ZNF326: variants seen among roughly 807,000 people sequenced by gnomAD.
ZNF326 encodes the protein zinc finger protein 326.
Under a neutral mutation model 63.1 loss-of-function variants are expected in ZNF326, and 30 were observed. The ratio of observed to expected loss-of-function variants is 0.48; its 90% CI spans 0.36 to 0.64. The LOEUF is 0.64. Among genes scored for constraint, ZNF326 ranks in the 30% least tolerant of loss-of-function variants. The probability of loss-of-function intolerance (pLI) is 0.00; values close to 1 mark genes in which losing one functional copy is unlikely to be tolerated. For synonymous variants in ZNF326, 194 were observed against 228.2 expected (o/e 0.85, Z 1.35); for missense variants, 609 against 720.3 (o/e 0.85, Z 1.77).
At chr1:90,017,259 G>T in intron 7 of ZNF326, 58 bp from the exon 8 acceptor site, 2 of 1,207,700 alleles carry the variant, frequency 1.7e-6, no homozygotes, top group South Asian at 3.1e-5. Context: ...ATATTCTTAT[G>T]AACTCTTTAT....
At chr1:90,011,633 A>G (rs1649238697) in intron 6 of ZNF326, among the ~76,000 whole-genome samples, 1 of 151,938 alleles carries the variant, frequency 6.6e-6, no homozygotes, top group South Asian at 2.1e-4. Flanking sequence ...AAAGGAAAAT[A>G]ACAAATGTTG....
At chr1:89,998,523 A>T (rs1226513940) in intron 2 of ZNF326, among the ~76,000 whole-genome samples, 1 of 152,200 alleles carries the variant, frequency 6.6e-6, no homozygotes, top group African/African-American at 2.4e-5. Context: ...GGTTCTATAT[A>T]GCTTGTATTG....
At chr1:90,003,904 T>G (rs1648822945) in intron 2 of ZNF326, among the ~76,000 whole-genome samples, 1 of 152,154 alleles carries the variant, frequency 6.6e-6, no homozygotes, top group African/African-American at 2.4e-5. Flanking sequence ...ACTAGAGATA[T>G]TATATGATTA....
At chr1:90,005,446 C>A in intron 4 of ZNF326, 1 of 1,305,880 alleles carries the variant, frequency 7.7e-7, no homozygotes. Context: ...AGGAAAACAC[C>A]AGATAACTAT....
At chr1:90,022,547 C>T (rs1255838452) in intron 11 of ZNF326, among the ~76,000 whole-genome samples, 1 of 152,120 alleles carries the variant, frequency 6.6e-6, no homozygotes, top group African/African-American at 2.4e-5. Context: ...TCTCTTATCA[C>T]CTTTGTAGCT....
chr1:90,004,910 C>T, intron 2 of ZNF326, 93 bp from the exon 3 acceptor site: 1 of 924,056 alleles, frequency 1.1e-6, no homozygotes, highest in East Asian at 3.3e-5. Context: ...TAAATTATCT[C>T]AGGTGATAGA....
At position 90,020,865 on chromosome 1, in the gene ZNF326, T is replaced by C. The variant is rs1649735499; in HGVS notation, c.1248T>C (p.Ala416=). The C allele has an allele frequency of 6.2e-7, 1 of 1,613,268 alleles. No individual in the cohort carries two copies. The highest frequency in any genetic ancestry group is 8.5e-7 in the Non-Finnish European group (1 of 1,179,402). Residue 416 remains alanine, a synonymous_variant, in exon 10 of 12, where the codon GCT becomes GCC. Transcript: ENST00000340281. The part of the protein sequence containing the change: ...HCSACSVYIP[A]LHSSVQQHLK... ...GCGCTTGCAGTGTTTATATCCCTGC[T>C]TTACATAGTTCAGTTCAGCAGCACT... is the stretch of plus-strand genomic sequence containing the variant.
chr1:89,996,847 A>G (rs1245898995), intron 1 of ZNF326, among the ~76,000 whole-genome samples: 1 of 152,242 alleles, frequency 6.6e-6, no homozygotes, highest in African/African-American at 2.4e-5. Flanking sequence ...TTCATGCTGT[A>G]GTTTGATGAT....
intron 6 of ZNF326, among the ~76,000 whole-genome samples, chr1:90,012,624 A>T (rs1243541648): frequency 2.0e-5 from 3 of 152,194 alleles, no homozygotes; most frequent in Admixed American, 6.5e-5. Flanking sequence ...AATATTTTTT[A>T]AAAAAGAGAA....
Position 90,004,928 on chromosome 1 carries a change from A to G in ZNF326, c.62-75A>G, listed in dbSNP as rs1648899039. On this transcript the variant is annotated intron_variant, in intron 2 of 11. Transcript: ENST00000340281. ...ATTATCTCAGGTGATAGATAGGAAT[A>G]TCTTGTGTTTTGTGCAAAGATCCCT... 7.1e-6 allele frequency: 9 copies of G among 1,274,564 alleles called. No individual in the cohort carries two copies. In the South Asian group the frequency reaches 1.1e-4, roughly 16 times the overall value. The allele number at this position is 1,274,564 out of a possible 1,614,324, so 79.0% of individuals were successfully genotyped here.
intron 4 of ZNF326, 126 bp downstream of exon 4, chr1:90,005,370 A>G: frequency 7.0e-7 from 1 of 1,433,546 alleles, no homozygotes; most frequent in Non-Finnish European, 9.1e-7. Context: ...TCATCACCTT[A>G]AATATTTAAA....
chr1:90,016,627 G>T (rs1649515433), intron 7 of ZNF326, among the ~76,000 whole-genome samples: 1 of 151,792 alleles, frequency 6.6e-6, no homozygotes, highest in South Asian at 2.1e-4. Flanking sequence ...TGATGTGGGA[G>T]AATTGCTTGA....
rs565255679 is a variant in ZNF326 at position 90,024,677 on chromosome 1, C to T, written c.1401+2332C>T. The stretch of plus-strand genomic sequence containing the variant: ...TTGCCCAGGCCAGAGTTCAGTGGTG[C>T]GATAATAGCTCACTGCAGCCTTGAA... On this transcript the variant is annotated intron_variant, in intron 11 of 11. Coordinates refer to ENST00000340281, the MANE Select transcript of ZNF326 (RefSeq NM_182976.4). Among the ~76,000 whole-genome samples the T allele has an allele frequency of 1.6e-3, 248 of 151,926 alleles. 1 individual carries two copies. Among genetic ancestry groups the T allele is most frequent in the Admixed American group, 2.7e-3 (41 of 15,258 alleles).
chr1:90,015,674 T>A (rs1386609049), intron 7 of ZNF326, among the ~76,000 whole-genome samples: 1 of 152,030 alleles, frequency 6.6e-6, no homozygotes, highest in Admixed American at 6.6e-5. Flanking sequence ...AGAGCAAGAC[T>A]CTGTCTCAAA....
chr1:90,028,635 C>A lies in ZNF326; in HGVS notation c.*934C>A, dbSNP rs1169999974. The A allele has an allele frequency of 6.6e-6, 1 of 152,112 alleles. No individual in the cohort carries two copies. The highest frequency in any genetic ancestry group is 1.5e-5 in the Non-Finnish European group (1 of 68,022). The allele number at this position is 152,112 out of a possible 1,614,324, so 9.4% of individuals were successfully genotyped here. A position where few individuals can be genotyped will look rare whatever the true frequency, so the allele number is the denominator to read the frequency against. ...AGAATTATTTCTCTTTCAAATATTT[C>A]TATCCTTTTTAAAAAATTCCTTTTT... On this transcript the variant is annotated 3_prime_UTR_variant, in exon 12 of 12. Transcript: ENST00000340281.
chr1:90,016,585 C>T (rs866706946), intron 7 of ZNF326, among the ~76,000 whole-genome samples: 8 of 151,666 alleles, frequency 5.3e-5, no homozygotes, highest in South Asian at 2.1e-4. Context: ...GGTGTGGTGG[C>T]GCATGCCTGT....
chr1:90,008,244 G>A (rs998998099), intron 5 of ZNF326, among the ~76,000 whole-genome samples: 2 of 152,228 alleles, frequency 1.3e-5, no homozygotes, highest in Admixed American at 1.3e-4. Context: ...GATCAGGATA[G>A]CTTAGCCATG....
chr1:90,021,065 C>A, intron 10 of ZNF326, 143 bp downstream of exon 10: 2 of 889,856 alleles, frequency 2.2e-6, no homozygotes, highest in African/African-American at 1.7e-5. Context: ...CTCAGAGAGG[C>A]AGTATATAGT....
In ZNF326 at chr1:90,030,584, C is replaced by G. The variant is rs1650225529; in HGVS notation, c.*2883C>G. The G allele has an allele frequency of 6.6e-6, 1 of 151,890 alleles. No individual in the cohort carries two copies. The highest frequency in any genetic ancestry group is 1.9e-4 in the East Asian group (1 of 5,186). The allele number at this position is 151,890 out of a possible 1,614,324, so 9.4% of individuals were successfully genotyped here. ...TAAATGTTAGAAAAGGGGAGTAGTT[C>G]TAAAATGTTTGTAGAAACGAGGATT... On this transcript the variant is annotated 3_prime_UTR_variant, in exon 12 of 12. Transcript: ENST00000340281.
Sources: gnomAD v4.1 joint callset for allele counts (sites outside exome capture counted in the v4.1 genomes callset) on GRCh38, gnomAD v4.1.1 for gene constraint, MANE v1.5 for transcripts, NCBI Gene and HGNC (gene_info 2026-07-23, HGNC 2026-07-21) for gene names.